The following HSD11B1 variants were observed in gnomAD, a reference collection of about 807,000 sequenced individuals.
HSD11B1 encodes the protein hydroxysteroid 11-beta dehydrogenase 1.
In HSD11B1, 15 loss-of-function variants were observed where a neutral mutation model predicts 22.1. The ratio of observed to expected loss-of-function variants is 0.68; its 90% CI spans 0.45 to 1.04. The LOEUF (loss-of-function observed/expected upper bound fraction) is 1.04. Among genes scored for constraint, HSD11B1 ranks in the 50% least tolerant of loss-of-function variants. The pLI is 0.00. For missense variants in HSD11B1, 281 were observed against 357.6 expected (o/e 0.79, Z 1.73); for synonymous variants, 122 against 125.2 (o/e 0.97, Z 0.17).
At chr1:209,732,649 G>A in intron 5 of HSD11B1, 70 bp downstream of exon 5, 1 of 1,355,238 alleles carries the variant, frequency 7.4e-7, no homozygotes, top group Non-Finnish European at 1.1e-6. Context: ...TGCAGAACAT[G>A]CAGGTTTGTT....
At chr1:209,700,609 C>T (rs2076820892), upstream of HSD11B1, among the ~76,000 whole-genome samples, 1 of 152,214 alleles carries the variant, frequency 6.6e-6, no homozygotes, top group Admixed American at 6.5e-5. Context: ...TAACATTTGG[C>T]TCCTTGCTAC....
chr1:209,690,440 T>G (rs2076752812), intron 1 of HSD11B1, among the ~76,000 whole-genome samples: 2 of 152,206 alleles, frequency 1.3e-5, no homozygotes, highest in African/African-American at 4.8e-5. Flanking sequence ...CTCATGCCTG[T>G]AATCCCAGCA....
intron 1 of HSD11B1, 116 bp from the exon 2 acceptor site, chr1:209,705,695 C>G (rs2076853867): frequency 7.8e-7 from 1 of 1,278,246 alleles, no homozygotes; most frequent in Non-Finnish European, 1.1e-6. Flanking sequence ...ACAAACTGAT[C>G]TGGGCTCATA....
At chr1:209,727,060 C>G (rs1370315047) in intron 4 of HSD11B1, among the ~76,000 whole-genome samples, 2 of 152,158 alleles carry the variant, frequency 1.3e-5, no homozygotes, top group Non-Finnish European at 2.9e-5. Flanking sequence ...TAACTAAGAT[C>G]TCAAGATGAA....
intron 4 of HSD11B1, among the ~76,000 whole-genome samples, chr1:209,711,367 G>T (rs17015053): frequency 6.6e-6 from 1 of 152,032 alleles, no homozygotes; most frequent in Non-Finnish European, 1.5e-5. Flanking sequence ...GATTATGAAC[G>T]GGCCTCAGAA....
At chr1:209,730,661 T>C (rs916609636) in intron 4 of HSD11B1, among the ~76,000 whole-genome samples, 1 of 152,200 alleles carries the variant, frequency 6.6e-6, no homozygotes, top group African/African-American at 2.4e-5. Flanking sequence ...ATCTAGAATA[T>C]TTTTTGCTAT....
intron 4 of HSD11B1, among the ~76,000 whole-genome samples, chr1:209,731,796 C>T (rs1379409866): frequency 6.6e-6 from 1 of 152,142 alleles, no homozygotes; most frequent in Non-Finnish European, 1.5e-5. Context: ...CTCACTGCAA[C>T]TTCCGCCTCC....
At chr1:209,727,269 G>A in intron 4 of HSD11B1, among the ~76,000 whole-genome samples, 1 of 152,148 alleles carries the variant, frequency 6.6e-6, no homozygotes, top group South Asian at 2.1e-4. Context: ...TATAGGTTTT[G>A]GGGGGAGCAT....
At chr1:209,711,138 T>G (rs2076892227) in intron 4 of HSD11B1, among the ~76,000 whole-genome samples, 2 of 152,102 alleles carry the variant, frequency 1.3e-5, no homozygotes, top group South Asian at 4.1e-4. Flanking sequence ...AATTCAACAT[T>G]ATGAAGTGGG....
chr1:209,702,928 C>T (rs1255950388), upstream of HSD11B1, among the ~76,000 whole-genome samples: 2 of 152,102 alleles, frequency 1.3e-5, no homozygotes. Context: ...GATGCTTTTG[C>T]CATATCCTTA....
At chr1:209,721,363 T>C (rs1356342583) in intron 4 of HSD11B1, among the ~76,000 whole-genome samples, 1 of 150,110 alleles carries the variant, frequency 6.7e-6, no homozygotes, top group Non-Finnish European at 1.5e-5. Context: ...AGGTCAGCAA[T>C]GACCTCAATT....
intron 1 of HSD11B1, among the ~76,000 whole-genome samples, chr1:209,695,722 G>A (rs200178460): frequency 6.6e-5 from 10 of 152,224 alleles, no homozygotes; most frequent in African/African-American, 2.2e-4. Context: ...CAGGAGAATC[G>A]CTTGAACCTG....
intron 4 of HSD11B1, among the ~76,000 whole-genome samples, chr1:209,711,385 G>C (rs1474655): frequency 0.17 from 26,447 of 152,086 alleles, 2,316 homozygotes; most frequent in East Asian, 0.22. Flanking sequence ...GAACCAGAGT[G>C]GAAAGGGGCA....
intron 4 of HSD11B1, among the ~76,000 whole-genome samples, chr1:209,731,542 G>A (rs1448276031): frequency 1.3e-5 from 2 of 152,172 alleles, no homozygotes; most frequent in African/African-American, 4.8e-5. Flanking sequence ...GCTCGGTAAA[G>A]ACTATAGGGT....
intron 5 of HSD11B1, among the ~76,000 whole-genome samples, 163 bp from the exon 6 acceptor site, chr1:209,734,141 C>T (rs1002854746): frequency 6.6e-6 from 1 of 152,204 alleles, no homozygotes; most frequent in Non-Finnish European, 1.5e-5. Flanking sequence ...CCAACAGACT[C>T]TAACATACCC....
chr1:209,726,429 G>A (rs146425078), intron 4 of HSD11B1, among the ~76,000 whole-genome samples: 22 of 151,626 alleles, frequency 1.5e-4, no homozygotes, highest in Non-Finnish European at 2.8e-4. Context: ...ATAGTAAGAC[G>A]TTGTCTCTAC....
Position 209,734,394 on chromosome 1 carries a change from T to G in HSD11B1, c.752T>G (p.Leu251Arg). Residue 251 changes from leucine to arginine, a missense_variant, in exon 6 of 6, where the codon CTG (leucine) becomes CGG (arginine). By Grantham distance (102) the Leu-to-Arg change is moderately radical. Transcript: ENST00000367027. ...CALEIIKGGA[L>R]RQEEVYYDSS... The stretch of plus-strand genomic sequence containing the variant: ...CTGGAGATCATCAAAGGGGGAGCTC[T>G]GCGCCAAGAAGAAGTGTATTATGAC... 1 of 1,614,150 alleles carries G rather than the reference T, an allele frequency of 6.2e-7. No homozygotes were observed. The highest frequency in any genetic ancestry group is 1.3e-5 in the African/African-American group (1 of 75,040).
intron 1 of HSD11B1, among the ~76,000 whole-genome samples, chr1:209,699,315 G>A (rs1014952210): frequency 6.6e-6 from 1 of 152,092 alleles, no homozygotes; most frequent in African/African-American, 2.4e-5. Context: ...CTGAAACTGG[G>A]AACAAAAGAG....
upstream of HSD11B1, chr1:209,704,825 G>C (rs886212168): frequency 9.2e-4 from 708 of 773,630 alleles, 7 homozygotes; most frequent in Admixed American, 9.7e-4. Context: ...GACTACTCCA[G>C]CCTCCCCCGT....
Sources: gnomAD v4.1 joint callset for allele counts (sites outside exome capture counted in the v4.1 genomes callset) on GRCh38, gnomAD v4.1.1 for gene constraint, MANE v1.5 for transcripts, NCBI Gene and HGNC (gene_info 2026-07-23, HGNC 2026-07-21) for gene names.